The following PEPD variants were observed in gnomAD, a reference collection of about 807,000 sequenced individuals.
PEPD encodes the protein peptidase D.
Under a neutral mutation model 60.7 loss-of-function variants are expected in PEPD, and 53 were observed. The ratio of observed to expected loss-of-function variants is 0.87; its 90% CI spans 0.70 to 1.10. The LOEUF (loss-of-function observed/expected upper bound fraction) is 1.10. Among genes scored for constraint, PEPD ranks in the 50% least tolerant of loss-of-function variants. The pLI is 0.00. For synonymous variants in PEPD, 267 were observed against 284.1 expected, an observed-to-expected ratio of 0.94 and a Z score of 0.60; for missense variants, 711 against 711.9, an observed-to-expected ratio of 1.00 and a Z score of 0.01.
chr19:33,401,116 C>T (rs999908421), intron 12 of PEPD, among the ~76,000 whole-genome samples: 7 of 152,314 alleles, frequency 4.6e-5, no homozygotes, highest in South Asian at 2.1e-4. Flanking sequence ...GGTTGGCCTA[C>T]GCTGGCCGCT....
At chr19:33,461,568 C>A (rs1350217212) in intron 9 of PEPD, among the ~76,000 whole-genome samples, 1 of 152,180 alleles carries the variant, frequency 6.6e-6, no homozygotes, top group South Asian at 2.1e-4. Flanking sequence ...GCTATTCCTG[C>A]CCCAATTTCT....
At chr19:33,419,708 G>C (rs187951680) in intron 9 of PEPD, among the ~76,000 whole-genome samples, 1 of 152,244 alleles carries the variant, frequency 6.6e-6, no homozygotes, top group African/African-American at 2.4e-5. Context: ...GGCAGTGGGT[G>C]ATGCCATGGC....
intron 9 of PEPD, among the ~76,000 whole-genome samples, chr19:33,446,392 G>A (rs943138035): frequency 4.6e-5 from 7 of 152,232 alleles, no homozygotes; most frequent in Non-Finnish European, 8.8e-5. Flanking sequence ...GGGGAGAGAC[G>A]CACTGGCTGC....
At chr19:33,390,252 G>T (rs967349490) in intron 13 of PEPD, among the ~76,000 whole-genome samples, 2 of 152,150 alleles carry the variant, frequency 1.3e-5, no homozygotes, top group Non-Finnish European at 2.9e-5. Context: ...GAAAAAAAGC[G>T]CTTTGGCGAC....
intron 3 of PEPD, among the ~76,000 whole-genome samples, chr19:33,501,341 G>A (rs752076599): frequency 7.9e-5 from 12 of 152,114 alleles, no homozygotes; most frequent in Non-Finnish European, 1.8e-4. Context: ...CAGTGCACCC[G>A]TCCCTCTGTG....
intron 7 of PEPD, among the ~76,000 whole-genome samples, chr19:33,465,896 T>A (rs1970010878): frequency 6.6e-6 from 1 of 151,608 alleles, no homozygotes; most frequent in East Asian, 1.9e-4. Context: ...ATTCAAAAAC[T>A]CAGAAATTGG....
At chr19:33,393,154 C>T (rs113911335) in intron 12 of PEPD, among the ~76,000 whole-genome samples, 2 of 150,938 alleles carry the variant, frequency 1.3e-5, no homozygotes, top group Non-Finnish European at 1.5e-5. Flanking sequence ...GAGGTGGGGG[C>T]GGCCGTCCCG....
At chr19:33,471,589 A>G (rs1970121480) in intron 7 of PEPD, among the ~76,000 whole-genome samples, 1 of 152,134 alleles carries the variant, frequency 6.6e-6, no homozygotes, top group African/African-American at 2.4e-5. Flanking sequence ...GCCCCAGGGG[A>G]TGTGTGGGGT....
intron 13 of PEPD, among the ~76,000 whole-genome samples, chr19:33,390,243 A>G (rs1158465909): frequency 2.1e-5 from 3 of 141,982 alleles, no homozygotes; most frequent in Non-Finnish European, 4.8e-5. Flanking sequence ...TTGCTGGTGG[A>G]AAAAAAGCGC....
In PEPD at chr19:33,411,734, G is replaced by T; in HGVS notation, c.756C>A (p.Ala252=). ...TCICGSGENS[A]VLHYGHAGAP... is the part of the protein sequence containing the mutation. ...CTCCGGCGTGTCCGTAGTGTAGCACGGCTGAGTTCTCACCACTGCAAAGAG... is the reference window on the plus strand; with the variant it reads ...CTCCGGCGTGTCCGTAGTGTAGCACTGCTGAGTTCTCACCACTGCAAAGAG... The change falls in exon 11 of 15, where the codon GCC becomes GCA. Residue 252 remains alanine, a synonymous_variant. Transcript: ENST00000244137. 1 of 1,607,620 alleles carries T rather than the reference G, an allele frequency of 6.2e-7. No individual in the cohort carries two copies. The highest frequency in any genetic ancestry group is 8.5e-7 in the Non-Finnish European group (1 of 1,174,548).
At chr19:33,505,929 TAC>T (rs1970793231) in intron 3 of PEPD, among the ~76,000 whole-genome samples, 1 of 118,090 alleles carries the variant, frequency 8.5e-6, no homozygotes, top group Middle Eastern at 7.6e-3. Context: ...ACAAACACCC[TAC>T]ACACTACACA....
rs917108629 is a variant in PEPD, at chr19:33,512,722, G to T, written c.72C>A (p.Ala24=). The change falls in exon 2 of 15, where the codon GCC becomes GCA. Residue 24 remains alanine (A), a synonymous_variant. Coordinates refer to ENST00000244137, the MANE Select transcript of PEPD (RefSeq NM_000285.4). Reference sequence around the variant, plus strand: ...GCTCACACAGGCGCTGCCGGTTCAAGGCAAAGAGCGCCAGCGGCACCTTCA... The same window carrying T: ...GCTCACACAGGCGCTGCCGGTTCAATGCAAAGAGCGCCAGCGGCACCTTCA... The part of the protein sequence containing the change: ...ETLKVPLALF[A]LNRQRLCERL... The T allele has an allele frequency of 3.1e-6, 5 of 1,613,936 alleles. No individual in the cohort carries two copies. Among genetic ancestry groups the T allele is most frequent in the Middle Eastern group, 1.6e-4 (1 of 6,084 alleles).
chr19:33,452,676 G>A (rs1274369936), intron 9 of PEPD, among the ~76,000 whole-genome samples: 1 of 152,114 alleles, frequency 6.6e-6, no homozygotes, highest in Non-Finnish European at 1.5e-5. Flanking sequence ...TGGTTACTTG[G>A]TTACAATGTA....
chr19:33,454,403 A>G (rs1368988713), intron 9 of PEPD, among the ~76,000 whole-genome samples: 1 of 152,168 alleles, frequency 6.6e-6, no homozygotes, highest in Non-Finnish European at 1.5e-5. Context: ...AGAGTTTGAG[A>G]CCAGCCTGGC....
chr19:33,467,610 A>G (rs1970045247), intron 7 of PEPD, among the ~76,000 whole-genome samples: 1 of 152,168 alleles, frequency 6.6e-6, no homozygotes, highest in Non-Finnish European at 1.5e-5. Context: ...CAAGAAGGCA[A>G]ATGGAACCCA....
intron 7 of PEPD, 93 bp downstream of exon 7, chr19:33,477,953 C>T: frequency 9.5e-6 from 8 of 840,780 alleles, no homozygotes; most frequent in Non-Finnish European, 1.4e-5. Context: ...TTCTGAGGGG[C>T]TCTCTGAGAC....
At chr19:33,437,671 C>T (rs962622262) in intron 9 of PEPD, among the ~76,000 whole-genome samples, 1 of 152,212 alleles carries the variant, frequency 6.6e-6, no homozygotes, top group African/African-American at 2.4e-5. Flanking sequence ...AAATATCTTT[C>T]TCAACTGCTA....
chr19:33,470,145 C>CGGGA (rs1970096632), intron 7 of PEPD, among the ~76,000 whole-genome samples: 1 of 152,150 alleles, frequency 6.6e-6, no homozygotes, highest in Non-Finnish European at 1.5e-5. Context: ...TGCCACTCCC[C>CGGGA]CTCCACGACC....
chr19:33,463,968 G>A lies in PEPD; in HGVS notation c.624+19C>T, dbSNP rs759546932. 4 of 1,568,038 alleles carry A rather than the reference G, an allele frequency of 2.6e-6. No individual in the cohort carries two copies. The South Asian group carries it at 4.5e-5, about 18-fold the overall frequency. ...CAACACTGCTTTCCCCACTCAACCA[G>A]AGCCGGTGCCTGACTTACCTCACGG... is the stretch of plus-strand genomic sequence containing the variant. On this transcript the variant is annotated intron_variant, in intron 8 of 14. Coordinates refer to ENST00000244137, the MANE Select transcript of PEPD (RefSeq NM_000285.4).
Sources: gnomAD v4.1 joint callset for allele counts (sites outside exome capture counted in the v4.1 genomes callset) on GRCh38, gnomAD v4.1.1 for gene constraint, MANE v1.5 for transcripts, NCBI Gene and HGNC (gene_info 2026-07-23, HGNC 2026-07-21) for gene names.